LHFPL6: variants seen among roughly 807,000 people sequenced by gnomAD.
The protein encoded by LHFPL6 is LHFPL tetraspan subfamily member 6, also known as LHFPL tetraspan subfamily member 6 protein.
In LHFPL6, 9 loss-of-function variants were observed where a neutral mutation model predicts 20.6. That is an observed-to-expected ratio of 0.44 (90% CI 0.26 to 0.76). The LOEUF (loss-of-function observed/expected upper bound fraction) is 0.76. LHFPL6 is among the 30% of genes least tolerant of loss of function. The pLI is 0.20. For synonymous variants in LHFPL6, 105 were observed against 98.7 expected (o/e 1.06, Z -0.38); for missense variants, 218 against 253.5 (o/e 0.86, Z 0.95).
At chr13:39,574,796 G>T (rs1270510454) in intron 2 of LHFPL6, among the ~76,000 whole-genome samples, 1 of 152,176 alleles carries the variant, frequency 6.6e-6, no homozygotes, top group Admixed American at 6.5e-5. Flanking sequence ...GTGGGGCCAG[G>T]AGTGGTGGCT....
chr13:39,456,770 C>T (rs1036548800), intron 2 of LHFPL6, among the ~76,000 whole-genome samples: 1 of 151,412 alleles, frequency 6.6e-6, no homozygotes, highest in Non-Finnish European at 1.5e-5. Context: ...CAGGAAAAAA[C>T]ATTTGTGATA....
chr13:39,535,475 C>T (rs894573691), intron 2 of LHFPL6, among the ~76,000 whole-genome samples: 6 of 152,020 alleles, frequency 3.9e-5, no homozygotes, highest in African/African-American at 1.5e-4. Flanking sequence ...TAATGGCTGG[C>T]ATTGTAAAAA....
At chr13:39,411,442 T>G (rs1871239384) in intron 2 of LHFPL6, among the ~76,000 whole-genome samples, 1 of 152,230 alleles carries the variant, frequency 6.6e-6, no homozygotes, top group Non-Finnish European at 1.5e-5. Context: ...GTGAGGTGCT[T>G]TTTGAAATGG....
chr13:39,514,764 TA>T (rs1196804073), intron 2 of LHFPL6, among the ~76,000 whole-genome samples: 1 of 152,128 alleles, frequency 6.6e-6, no homozygotes, highest in Non-Finnish European at 1.5e-5. Flanking sequence ...CACTTACATA[TA>T]AAAGAAAGAG....
chr13:39,430,055 C>G (rs561081068), intron 2 of LHFPL6, among the ~76,000 whole-genome samples: 2 of 152,320 alleles, frequency 1.3e-5, no homozygotes, highest in African/African-American at 4.8e-5. Flanking sequence ...GGGCTCAGCC[C>G]TTGGGCATCT....
intron 2 of LHFPL6, among the ~76,000 whole-genome samples, chr13:39,512,368 G>A (rs377475978): frequency 1.3e-5 from 2 of 152,170 alleles, no homozygotes; most frequent in South Asian, 2.1e-4. Flanking sequence ...TTTGGGAGGC[G>A]GAGGCGTGTG....
chr13:39,442,586 C>A (rs1007414571), intron 2 of LHFPL6, among the ~76,000 whole-genome samples: 1 of 152,146 alleles, frequency 6.6e-6, no homozygotes, highest in African/African-American at 2.4e-5. Flanking sequence ...ATTCTGGGAA[C>A]GATTGCTGAT....
intron 3 of LHFPL6, among the ~76,000 whole-genome samples, chr13:39,373,748 T>C (rs969685473): frequency 1.3e-5 from 2 of 152,196 alleles, no homozygotes; most frequent in African/African-American, 4.8e-5. Flanking sequence ...TAAAGTTTAA[T>C]TGGCAAGCAG....
chr13:39,516,079 A>G (rs1005415769), intron 2 of LHFPL6, among the ~76,000 whole-genome samples: 2 of 152,174 alleles, frequency 1.3e-5, no homozygotes, highest in African/African-American at 4.8e-5. Context: ...AGGACTGTGG[A>G]GGCTAATTAC....
intron 2 of LHFPL6, among the ~76,000 whole-genome samples, chr13:39,540,149 C>A (rs1156960875): frequency 2.0e-5 from 3 of 151,924 alleles, no homozygotes; most frequent in Non-Finnish European, 2.9e-5. Flanking sequence ...GAAACTCCTG[C>A]CAAGTTTCAA....
intron 3 of LHFPL6, among the ~76,000 whole-genome samples, chr13:39,368,232 G>A (rs1199879783): frequency 6.6e-6 from 1 of 151,344 alleles, no homozygotes; most frequent in South Asian, 2.1e-4. Flanking sequence ...TTGGGAGGGC[G>A]AGGCAGGAGA....
intron 2 of LHFPL6, among the ~76,000 whole-genome samples, chr13:39,539,581 C>T (rs1394469736): frequency 6.6e-6 from 1 of 152,164 alleles, no homozygotes; most frequent in East Asian, 1.9e-4. Context: ...TGCACATGCA[C>T]GTGACTGGGA....
At chr13:39,534,986 T>C (rs748405070) in intron 2 of LHFPL6, among the ~76,000 whole-genome samples, 1 of 152,198 alleles carries the variant, frequency 6.6e-6, no homozygotes, top group African/African-American at 2.4e-5. Context: ...GGCAGGGCCA[T>C]GCTCTCAGCC....
At chr13:39,352,923 AAATGTATATATATGTGTG>A (rs1869622415) in intron 3 of LHFPL6, among the ~76,000 whole-genome samples, 2 of 31,618 alleles carry the variant, frequency 6.3e-5, no homozygotes, top group Admixed American at 3.6e-4. Flanking sequence ...ATATATATAT[AAATGTATATATATGTGTG>A]TATATATATA....
At chr13:39,563,518 A>C (rs1871613579) in intron 2 of LHFPL6, among the ~76,000 whole-genome samples, 1 of 152,194 alleles carries the variant, frequency 6.6e-6, no homozygotes, top group Non-Finnish European at 1.5e-5. Context: ...AGGGAGCAAA[A>C]ATATTCTTAG....
chr13:39,483,699 A>G (rs1417134871), intron 2 of LHFPL6, among the ~76,000 whole-genome samples: 2 of 152,178 alleles, frequency 1.3e-5, no homozygotes, highest in Non-Finnish European at 2.9e-5. Context: ...CACCAAAATC[A>G]ATGCAGAGAG....
At chr13:39,394,974 G>A (rs1156287001) in intron 2 of LHFPL6, among the ~76,000 whole-genome samples, 1 of 152,120 alleles carries the variant, frequency 6.6e-6, no homozygotes, top group African/African-American at 2.4e-5. Context: ...GTCACCCAGC[G>A]CTACCCTAAG....
chr13:39,491,023 A>G (rs1301507759), intron 2 of LHFPL6, among the ~76,000 whole-genome samples: 1 of 152,236 alleles, frequency 6.6e-6, no homozygotes, highest in Non-Finnish European at 1.5e-5. Context: ...ATTAAAATAA[A>G]GATAGTGACT....
At chr13:39,462,982 C>T (rs2138430242) in intron 2 of LHFPL6, among the ~76,000 whole-genome samples, 1 of 152,210 alleles carries the variant, frequency 6.6e-6, no homozygotes. Context: ...GTGCCATGAA[C>T]ATGTTCAGGA....
Sources: gnomAD v4.1 joint callset for allele counts (sites outside exome capture counted in the v4.1 genomes callset) on GRCh38, gnomAD v4.1.1 for gene constraint, MANE v1.5 for transcripts, NCBI Gene and HGNC (gene_info 2026-07-23, HGNC 2026-07-21) for gene names.